The following CSMD3 variants were observed in gnomAD, a reference collection of about 807,000 sequenced individuals.
The protein encoded by CSMD3 is CUB and Sushi multiple domains 3, also known as CUB and sushi domain-containing protein 3.
CSMD3 carries 177 observed loss-of-function variants against 435.2 expected under a neutral mutation model. That is an observed-to-expected ratio of 0.41 (90% CI 0.36 to 0.46). CSMD3 has a LOEUF of 0.46. Ranked by LOEUF, CSMD3 falls within the 20% of genes least tolerant of loss-of-function variation. CSMD3 has a pLI of 0.34. For synonymous variants in CSMD3, 1,656 were observed against 1,520.5 expected, an observed-to-expected ratio of 1.09 and a Z score of -2.07; for missense variants, 4,265 against 4,504.6, an observed-to-expected ratio of 0.95 and a Z score of 1.52.
chr8:113,016,483 T>G (rs2086463441), intron 6 of CSMD3, among the ~76,000 whole-genome samples: 1 of 151,844 alleles, frequency 6.6e-6, no homozygotes, highest in Non-Finnish European at 1.5e-5. Flanking sequence ...AACCCACTAG[T>G]AGTTTGCAGT....
chr8:112,556,718 A>C, intron 25 of CSMD3, 45 bp downstream of exon 25: 2 of 1,484,388 alleles, frequency 1.3e-6, no homozygotes, highest in Non-Finnish European at 1.9e-6. Flanking sequence ...AATTTGATAA[A>C]GTTTTCACAG....
chr8:112,375,371 A>G (rs963020913), intron 38 of CSMD3, among the ~76,000 whole-genome samples: 1 of 152,144 alleles, frequency 6.6e-6, no homozygotes, highest in African/African-American at 2.4e-5. Context: ...ATTAAAGATC[A>G]TGATTTTAAA....
At chr8:113,010,807 A>G (rs1381769284) in intron 6 of CSMD3, among the ~76,000 whole-genome samples, 1 of 151,622 alleles carries the variant, frequency 6.6e-6, no homozygotes, top group African/African-American at 2.4e-5. Flanking sequence ...AAGACTATCC[A>G]TGATATTTTC....
chr8:112,665,186 C>A (rs1274876343), intron 17 of CSMD3, among the ~76,000 whole-genome samples: 3 of 152,106 alleles, frequency 2.0e-5, no homozygotes, highest in African/African-American at 7.2e-5. Context: ...ACTAATCAAG[C>A]TGTTTCTTTA....
chr8:113,082,570 A>T (rs2089607893), intron 5 of CSMD3, among the ~76,000 whole-genome samples: 1 of 152,146 alleles, frequency 6.6e-6, no homozygotes, highest in Non-Finnish European at 1.5e-5. Context: ...GGGTCATAAG[A>T]AACATGAGAA....
chr8:113,010,657 G>A (rs992327419), intron 6 of CSMD3, among the ~76,000 whole-genome samples: 1 of 151,586 alleles, frequency 6.6e-6, no homozygotes, highest in Non-Finnish European at 1.5e-5. Context: ...ATCATAACAT[G>A]AGGCTATTAT....
At chr8:112,740,312 C>T (rs561134946) in intron 13 of CSMD3, among the ~76,000 whole-genome samples, 6 of 151,682 alleles carry the variant, frequency 4.0e-5, no homozygotes, top group Middle Eastern at 6.8e-3. Flanking sequence ...TTGATGAAGA[C>T]CTAAAAATAA....
chr8:112,240,910 G>A (rs1288781606), intron 66 of CSMD3, among the ~76,000 whole-genome samples: 7 of 151,990 alleles, frequency 4.6e-5, no homozygotes, highest in Non-Finnish European at 1.0e-4. Context: ...ATCCATGTAA[G>A]ACAGGACTTG....
chr8:112,498,137 A>T (rs1163550477), intron 30 of CSMD3, among the ~76,000 whole-genome samples: 1 of 152,006 alleles, frequency 6.6e-6, no homozygotes, highest in Non-Finnish European at 1.5e-5. Context: ...GTCTTGTGTA[A>T]ATCATTTTAA....
chr8:113,119,829 C>T (rs1350476774), intron 4 of CSMD3, among the ~76,000 whole-genome samples: 2 of 151,916 alleles, frequency 1.3e-5, no homozygotes, highest in Non-Finnish European at 2.9e-5. Flanking sequence ...GATTGGTGTT[C>T]TTAATAAATT....
chr8:112,822,629 C>A (rs1423593029), intron 12 of CSMD3, among the ~76,000 whole-genome samples: 2 of 151,602 alleles, frequency 1.3e-5, no homozygotes, highest in African/African-American at 4.8e-5. Flanking sequence ...TTATTTATTT[C>A]TCTTTATTTC....
chr8:112,371,999 A>T (rs940394320), intron 38 of CSMD3, among the ~76,000 whole-genome samples: 1 of 152,148 alleles, frequency 6.6e-6, no homozygotes, highest in Non-Finnish European at 1.5e-5. Context: ...GGAAGAAAGG[A>T]AGAATGAAGA....
chr8:113,278,804 T>G, intron 2 of CSMD3, 100 bp from the exon 3 acceptor site: 1 of 681,398 alleles, frequency 1.5e-6, no homozygotes. Flanking sequence ...TAAAACAGAT[T>G]TTCTCCTATA....
intron 41 of CSMD3, among the ~76,000 whole-genome samples, chr8:112,345,283 T>G (rs1825556947): frequency 6.6e-6 from 1 of 152,136 alleles, no homozygotes; most frequent in Non-Finnish European, 1.5e-5. Context: ...AGAGATATCT[T>G]CAATCTTGTA....
chr8:112,734,786 T>C (rs1352968735), intron 13 of CSMD3, among the ~76,000 whole-genome samples: 1 of 152,020 alleles, frequency 6.6e-6, no homozygotes, highest in Non-Finnish European at 1.5e-5. Context: ...ATAAATGCTA[T>C]ATAAGAATAG....
intron 4 of CSMD3, among the ~76,000 whole-genome samples, chr8:113,161,033 A>T (rs2092028780): frequency 6.6e-6 from 1 of 152,100 alleles, no homozygotes; most frequent in African/African-American, 2.4e-5. Flanking sequence ...GACCAACTGC[A>T]GCATGTTTCT....
intron 3 of CSMD3, among the ~76,000 whole-genome samples, chr8:113,186,535 C>T (rs928484074): frequency 1.3e-5 from 2 of 151,950 alleles, no homozygotes; most frequent in African/African-American, 4.8e-5. Context: ...TCAATAGAAC[C>T]CAGCAGCTCC....
chr8:112,267,404 T>C (rs16883337), intron 59 of CSMD3, among the ~76,000 whole-genome samples: 5,418 of 152,216 alleles, frequency 0.036, 321 homozygotes, highest in African/African-American at 0.12. Flanking sequence ...TTTTTTTTAA[T>C]GATACAACTG....
chr8:113,327,381 T>C (rs2093991027), intron 1 of CSMD3, among the ~76,000 whole-genome samples: 1 of 152,192 alleles, frequency 6.6e-6, no homozygotes, highest in African/African-American at 2.4e-5. Flanking sequence ...ATGGTCAAAA[T>C]CTATTTTTTC....
Sources: gnomAD v4.1 joint callset for allele counts (sites outside exome capture counted in the v4.1 genomes callset) on GRCh38, gnomAD v4.1.1 for gene constraint, MANE v1.5 for transcripts, NCBI Gene and HGNC (gene_info 2026-07-23, HGNC 2026-07-21) for gene names.